Variants in ATRNL1 observed in about 807,000 individuals in gnomAD.
The protein encoded by ATRNL1 is attractin like 1, also known as attractin-like protein 1.
In ATRNL1, 95 loss-of-function variants were observed where a neutral mutation model predicts 182.7. The observed-to-expected ratio is 0.52, with a 90% CI of 0.44 to 0.62. The LOEUF is 0.62. Ranked by LOEUF, ATRNL1 falls within the 20% of genes least tolerant of loss-of-function variation. The probability of loss-of-function intolerance (pLI) is 0.00; values close to 1 mark genes in which losing one functional copy is unlikely to be tolerated. For synonymous variants in ATRNL1, 576 were observed against 568.3 expected (o/e 1.01, Z -0.19); for missense variants, 1,471 against 1,679.5 (o/e 0.88, Z 2.17).
At chr10:115,548,550 C>A (rs1852796364) in intron 25 of ATRNL1, among the ~76,000 whole-genome samples, 1 of 152,108 alleles carries the variant, frequency 6.6e-6, no homozygotes, top group African/African-American at 2.4e-5. Flanking sequence ...TCTATGACCA[C>A]AGAGCAAAGA....
At chr10:115,619,460 T>C (rs1857606280) in intron 26 of ATRNL1, among the ~76,000 whole-genome samples, 1 of 152,220 alleles carries the variant, frequency 6.6e-6, no homozygotes, top group Admixed American at 6.5e-5. Flanking sequence ...CACATGAGCT[T>C]TGATTGTGTC....
chr10:115,177,278 A>G (rs189775612), intron 8 of ATRNL1, among the ~76,000 whole-genome samples: 4 of 152,252 alleles, frequency 2.6e-5, no homozygotes, highest in East Asian at 1.9e-4. Context: ...AAGTCTCACA[A>G]TATTGGATTT....
In ATRNL1 at chr10:115,363,866, C is replaced by T. The variant is rs1215058946; in HGVS notation, c.3175+29447C>T. Among the ~76,000 whole-genome samples, 12 of 148,018 alleles carry T rather than the reference C, an allele frequency of 8.1e-5. No individual in the cohort carries two copies. The East Asian group carries it at 2.4e-3, about 30-fold the overall frequency. On this transcript the variant is annotated intron_variant, in intron 19 of 28. Transcript: ENST00000355044. ...TTATTTCTGAGGGCTCTGTTCTGTT[C>T]CATTGATCTATATCTCTGTTTTGGT... is the stretch of plus-strand genomic sequence containing the variant.
At chr10:115,515,310 T>C (rs1284698558) in intron 24 of ATRNL1, among the ~76,000 whole-genome samples, 1 of 139,124 alleles carries the variant, frequency 7.2e-6, no homozygotes, top group South Asian at 2.3e-4. Context: ...TTTGTTAGAA[T>C]AGTTGTTCTT....
At chr10:115,564,752 T>A (rs1438932357) in intron 26 of ATRNL1, among the ~76,000 whole-genome samples, 1 of 151,946 alleles carries the variant, frequency 6.6e-6, no homozygotes, top group Non-Finnish European at 1.5e-5. Flanking sequence ...CTTTTTTGTG[T>A]GTGTATAGTT....
At chr10:115,119,436 A>G (rs1052753126) in intron 1 of ATRNL1, among the ~76,000 whole-genome samples, 1 of 152,064 alleles carries the variant, frequency 6.6e-6, no homozygotes, top group African/African-American at 2.4e-5. Flanking sequence ...TAAATGTTAA[A>G]TGGGAAGACA....
chr10:115,094,441 A>G (rs1345895082), intron 1 of ATRNL1, among the ~76,000 whole-genome samples: 9 of 152,212 alleles, frequency 5.9e-5, no homozygotes, highest in African/African-American at 2.2e-4. Flanking sequence ...CATTGTGAAA[A>G]ATTCACAAAA....
At chr10:115,557,973 A>G (rs1853415384) in intron 26 of ATRNL1, among the ~76,000 whole-genome samples, 1 of 151,820 alleles carries the variant, frequency 6.6e-6, no homozygotes, top group African/African-American at 2.4e-5. Flanking sequence ...TGAACCCAGG[A>G]GGCAGAGGTT....
chr10:115,536,790 C>A (rs554931145), intron 25 of ATRNL1, among the ~76,000 whole-genome samples: 95 of 152,280 alleles, frequency 6.2e-4, no homozygotes, highest in African/African-American at 2.2e-3. Flanking sequence ...TCATGTTGTA[C>A]ATAAACATAT....
chr10:115,411,429 A>C (rs2134340630), intron 20 of ATRNL1, among the ~76,000 whole-genome samples: 1 of 152,064 alleles, frequency 6.6e-6, no homozygotes, highest in Non-Finnish European at 1.5e-5. Flanking sequence ...ATTTAATGAG[A>C]TTATTTACTT....
At chr10:115,941,501 G>A (rs1953729628) in intron 28 of ATRNL1, among the ~76,000 whole-genome samples, 1 of 152,188 alleles carries the variant, frequency 6.6e-6, no homozygotes, top group African/African-American at 2.4e-5. Context: ...GCATTCACAT[G>A]TAAATGGAAA....
intron 27 of ATRNL1, among the ~76,000 whole-genome samples, chr10:115,837,909 A>T (rs1950716791): frequency 2.0e-5 from 3 of 152,172 alleles, no homozygotes; most frequent in Non-Finnish European, 4.4e-5. Context: ...AATTGCTGAT[A>T]TTCAATTGGT....
chr10:115,306,159 A>C (rs1426107592), intron 17 of ATRNL1, among the ~76,000 whole-genome samples: 1 of 152,148 alleles, frequency 6.6e-6, no homozygotes, highest in Non-Finnish European at 1.5e-5. Context: ...GTGGTATAAC[A>C]CACATAACAT....
chr10:115,802,487 A>G (rs1213778984), intron 27 of ATRNL1, among the ~76,000 whole-genome samples: 1 of 152,228 alleles, frequency 6.6e-6, no homozygotes, highest in Non-Finnish European at 1.5e-5. Context: ...AAACTTAATG[A>G]AAAAATTACA....
At chr10:115,315,357 T>C (rs1255233577) in intron 17 of ATRNL1, among the ~76,000 whole-genome samples, 161 bp from the exon 18 acceptor site, 1 of 152,218 alleles carries the variant, frequency 6.6e-6, no homozygotes, top group Non-Finnish European at 1.5e-5. Context: ...TATTTGCTTT[T>C]AGTAATTGCT....
chr10:115,798,185 G>A (rs1555083476), intron 27 of ATRNL1, among the ~76,000 whole-genome samples: 1 of 152,144 alleles, frequency 6.6e-6, no homozygotes, highest in African/African-American at 2.4e-5. Context: ...CCCAAGTGCT[G>A]GGATTACAGG....
chr10:115,936,450 G>A lies in ATRNL1; in HGVS notation c.4019-8208G>A, dbSNP rs981804728. Among the ~76,000 whole-genome samples, 4 of 152,202 alleles carry A rather than the reference G, an allele frequency of 2.6e-5. No homozygotes were observed. The East Asian group carries it at 7.7e-4, about 29-fold the overall frequency. ...TAGGCGCTCAAGAAACACTTGTTGA[G>A]TGAAGTTATTTGCTTCTCAAATGAT... On this transcript the variant is annotated intron_variant, in intron 28 of 28. Coordinates refer to ENST00000355044, the MANE Select transcript of ATRNL1 (RefSeq NM_207303.4).
intron 19 of ATRNL1, among the ~76,000 whole-genome samples, chr10:115,367,976 T>C (rs1175805352): frequency 2.0e-5 from 3 of 151,922 alleles, no homozygotes; most frequent in Admixed American, 2.0e-4. Flanking sequence ...TCTTTTTGTT[T>C]GTCTGTGCCC....
chr10:115,217,342 C>A (rs1849274456), intron 9 of ATRNL1, among the ~76,000 whole-genome samples: 1 of 152,166 alleles, frequency 6.6e-6, no homozygotes, highest in South Asian at 2.1e-4. Context: ...CCCACCTTGA[C>A]CTCCCAAAGT....
Sources: gnomAD v4.1 joint callset for allele counts (sites outside exome capture counted in the v4.1 genomes callset) on GRCh38, gnomAD v4.1.1 for gene constraint, MANE v1.5 for transcripts, NCBI Gene and HGNC (gene_info 2026-07-23, HGNC 2026-07-21) for gene names.